The following NLGN1 variants were observed in gnomAD, a reference collection of about 807,000 sequenced individuals.
The protein encoded by NLGN1 is neuroligin 1, also known as neuroligin-1.
A neutral mutation model predicts 65.5 loss-of-function variants in NLGN1; 12 were observed. That is an observed-to-expected ratio of 0.18 (90% CI 0.12 to 0.30). The LOEUF (loss-of-function observed/expected upper bound fraction) is 0.30, where lower values mean the gene tolerates loss of function less well. Among genes scored for constraint, NLGN1 ranks in the 10% least tolerant of loss-of-function variants. The probability of loss-of-function intolerance (pLI) is 1.00; values close to 1 mark genes in which losing one functional copy is unlikely to be tolerated. For synonymous variants in NLGN1, 350 were observed against 359.5 expected (o/e 0.97, Z 0.30); for missense variants, 750 against 1,007.1 (o/e 0.74, Z 3.46).
chr3:173,455,222 C>T (rs570435581), intron 2 of NLGN1, among the ~76,000 whole-genome samples: 1 of 152,238 alleles, frequency 6.6e-6, no homozygotes, highest in East Asian at 1.9e-4. Flanking sequence ...AGGAATCTGA[C>T]AATCATGGCA....
intron 2 of NLGN1, among the ~76,000 whole-genome samples, chr3:173,481,905 C>A (rs1353550795): frequency 6.6e-6 from 1 of 151,824 alleles, no homozygotes; most frequent in African/African-American, 2.4e-5. Context: ...AATTATATTT[C>A]ATTGGTGCTT....
chr3:173,994,987 A>G (rs1721970093), intron 4 of NLGN1, among the ~76,000 whole-genome samples: 1 of 152,206 alleles, frequency 6.6e-6, no homozygotes, highest in Non-Finnish European at 1.5e-5. Context: ...TTGTCAGTGT[A>G]AGTTTCTATT....
At chr3:174,105,675 T>A (rs1413973222) in intron 4 of NLGN1, among the ~76,000 whole-genome samples, 1 of 131,822 alleles carries the variant, frequency 7.6e-6, no homozygotes, top group Non-Finnish European at 1.7e-5. Context: ...CTTGGAGACA[T>A]AATATCTATA....
chr3:173,588,199 A>G (rs933702161), intron 2 of NLGN1, among the ~76,000 whole-genome samples: 7 of 152,210 alleles, frequency 4.6e-5, no homozygotes, highest in African/African-American at 1.4e-4. Flanking sequence ...TAATGTTTTT[A>G]TTGCTTTTTA....
intron 4 of NLGN1, among the ~76,000 whole-genome samples, chr3:173,870,823 T>C (rs1454498404): frequency 6.6e-6 from 1 of 152,200 alleles, no homozygotes; most frequent in Non-Finnish European, 1.5e-5. Context: ...AAAACTATTG[T>C]GAAGTCCTGG....
intron 4 of NLGN1, among the ~76,000 whole-genome samples, chr3:174,006,538 C>T (rs291932): frequency 6.6e-6 from 1 of 152,138 alleles, no homozygotes; most frequent in African/African-American, 2.4e-5. Flanking sequence ...AGCTCGAATT[C>T]TCTGTCCCTC....
chr3:173,619,976 G>A (rs1753723050), intron 3 of NLGN1, among the ~76,000 whole-genome samples: 1 of 152,104 alleles, frequency 6.6e-6, no homozygotes, highest in Admixed American at 6.6e-5. Context: ...GTAGAGAACA[G>A]CTTGTGATCA....
At chr3:174,220,841 C>T (rs1035589545) in intron 4 of NLGN1, among the ~76,000 whole-genome samples, 2 of 152,032 alleles carry the variant, frequency 1.3e-5, no homozygotes, top group Non-Finnish European at 2.9e-5. Context: ...AATTACTTGC[C>T]TTTTAGAAAG....
chr3:173,526,737 C>T (rs529705578), intron 2 of NLGN1, among the ~76,000 whole-genome samples: 20 of 152,252 alleles, frequency 1.3e-4, no homozygotes, highest in South Asian at 1.0e-3. Flanking sequence ...TAAATATGCC[C>T]GCTTTCCCCA....
At chr3:173,901,587 T>G (rs1737397481) in intron 4 of NLGN1, among the ~76,000 whole-genome samples, 2 of 152,050 alleles carry the variant, frequency 1.3e-5, no homozygotes, top group African/African-American at 4.8e-5. Context: ...TTTCTAAGAT[T>G]GCATACAAAA....
chr3:173,526,581 C>T (rs1252135327), intron 2 of NLGN1, among the ~76,000 whole-genome samples: 1 of 152,084 alleles, frequency 6.6e-6, no homozygotes, highest in Admixed American at 6.6e-5. Context: ...TTGCTTCAAG[C>T]ATTTATCCTT....
At chr3:173,584,677 T>A (rs1747030242) in intron 2 of NLGN1, 1 of 151,718 alleles carries the variant, frequency 6.6e-6, no homozygotes, top group Non-Finnish European at 1.5e-5. Context: ...ATGGTCGGAT[T>A]TACATGGAGG....
In NLGN1 at chr3:174,047,242, A is replaced by G. The variant is rs529156661; in HGVS notation, c.647-228073A>G. On this transcript the variant is annotated intron_variant, in intron 4 of 6. Transcript: ENST00000457714. The stretch of plus-strand genomic sequence containing the variant: ...GGTTGCATTAATAGTATATTTTTAT[A>G]AAGTGTACATTTTTCTATTTTCCAC... 5.3e-5 allele frequency among the ~76,000 whole-genome samples: 8 copies of G among 152,160 alleles called. No homozygotes were observed. In the South Asian group the frequency reaches 1.7e-3, roughly 32 times the overall value.
chr3:174,239,310 C>T (rs6780293), intron 4 of NLGN1, among the ~76,000 whole-genome samples: 312 of 152,226 alleles, frequency 2.0e-3, no homozygotes, highest in African/African-American at 7.1e-3. Flanking sequence ...CTCAAATGAT[C>T]CTCCCACGTC....
At chr3:173,686,283 A>T (rs1764673012) in intron 3 of NLGN1, among the ~76,000 whole-genome samples, 1 of 151,966 alleles carries the variant, frequency 6.6e-6, no homozygotes, top group Non-Finnish European at 1.5e-5. Context: ...AAAAAAAAAA[A>T]ATCAAAACAG....
chr3:174,248,605 T>C (rs1577577282), intron 4 of NLGN1, among the ~76,000 whole-genome samples: 1 of 151,672 alleles, frequency 6.6e-6, no homozygotes, highest in South Asian at 2.1e-4. Flanking sequence ...ACTAAAAATA[T>C]AAAAAATTAG....
chr3:173,982,555 A>G (rs1442936149), intron 4 of NLGN1, among the ~76,000 whole-genome samples: 1 of 152,182 alleles, frequency 6.6e-6, no homozygotes, highest in African/African-American at 2.4e-5. Flanking sequence ...GAATAAGGGC[A>G]GTTAACTCTA....
At chr3:173,536,818 C>T (rs1202714453) in intron 2 of NLGN1, among the ~76,000 whole-genome samples, 2 of 151,896 alleles carry the variant, frequency 1.3e-5, no homozygotes, top group Non-Finnish European at 1.5e-5. Context: ...GTAATTGGCT[C>T]ACATGATTAT....
intron 4 of NLGN1, among the ~76,000 whole-genome samples, chr3:173,842,008 G>C (rs866760268): frequency 2.0e-5 from 3 of 152,166 alleles, no homozygotes; most frequent in Admixed American, 6.5e-5. Flanking sequence ...ATTTACAAAG[G>C]AAAGTGGTTT....
Sources: allele counts gnomAD v4.1 joint callset (sites outside exome capture counted in the v4.1 genomes callset), GRCh38; gene constraint gnomAD v4.1.1; transcripts MANE v1.5; gene names NCBI Gene and HGNC (gene_info 2026-07-23, HGNC 2026-07-21).